KMT5B: variants seen among roughly 807,000 people sequenced by gnomAD.
KMT5B encodes the protein histone-lysine N-methyltransferase KMT5B.
KMT5B carries 10 observed loss-of-function variants against 83.2 expected under a neutral mutation model. The ratio of observed to expected loss-of-function variants is 0.12; its 90% CI spans 0.07 to 0.20. KMT5B has a LOEUF of 0.20. Ranked by LOEUF, KMT5B falls within the 10% of genes least tolerant of loss-of-function variation. The pLI, the probability that KMT5B is intolerant of heterozygous loss-of-function variation, is 1.00. For synonymous variants in KMT5B, 349 were observed against 388.8 expected, an observed-to-expected ratio of 0.90 and a Z score of 1.20; for missense variants, 753 against 1,067.2, an observed-to-expected ratio of 0.71 and a Z score of 4.10.
At chr11:68,166,673 T>C in intron 10 of KMT5B, 1 of 1,139,234 alleles carries the variant, frequency 8.8e-7, no homozygotes. Context: ...CTTAGCGACA[T>C]CATCACAGTC....
At chr11:68,195,644 G>GT (rs1858610939) in intron 1 of KMT5B, among the ~76,000 whole-genome samples, 1 of 152,188 alleles carries the variant, frequency 6.6e-6, no homozygotes, top group South Asian at 2.1e-4. Context: ...GAGCAAGACT[G>GT]TAACTTTCCC....
At chr11:68,207,990 C>G (rs1174528457) in intron 1 of KMT5B, among the ~76,000 whole-genome samples, 2 of 150,408 alleles carry the variant, frequency 1.3e-5, no homozygotes, top group Non-Finnish European at 3.0e-5. Context: ...AGGTGCCCAC[C>G]ACCACGCCCA....
At chr11:68,162,731 GGTAT>G (rs1432874861) in intron 10 of KMT5B, among the ~76,000 whole-genome samples, 18 of 152,202 alleles carry the variant, frequency 1.2e-4, no homozygotes, top group East Asian at 3.9e-4. Context: ...GCACAAAATG[GGTAT>G]GTATTTGATG....
intron 10 of KMT5B, among the ~76,000 whole-genome samples, chr11:68,161,186 T>A (rs1247876649): frequency 6.6e-6 from 1 of 152,174 alleles, no homozygotes; most frequent in African/African-American, 2.4e-5. Context: ...TACAGAACTA[T>A]GTGATAGCAA....
chr11:68,158,103 C>T lies in KMT5B; in HGVS notation c.2243G>A (p.Ser748Asn). The change falls in exon 11 of 11, where the codon AGC becomes AAC. Residue 748 changes from serine to asparagine, a missense_variant. Ser to Asn is a conservative substitution (Grantham distance 46). Coordinates refer to ENST00000304363, the MANE Select transcript of KMT5B (RefSeq NM_017635.5). ...ATTGTTATCGTTGTCATGGTCTTTGCTTAACTTGATGCTTATTTTGGAAGA... is the reference window on the plus strand; with the variant it reads ...ATTGTTATCGTTGTCATGGTCTTTGTTTAACTTGATGCTTATTTTGGAAGA... ...MNSSKISIKLSKDHDNDNNLY... is the reference protein window; with the variant it reads ...MNSSKISIKLNKDHDNDNNLY... The T allele has an allele frequency of 1.2e-6, 2 of 1,614,168 alleles. No individual in the cohort carries two copies. Among genetic ancestry groups the T allele is most frequent in the Non-Finnish European group, 1.7e-6 (2 of 1,180,032 alleles).
intron 1 of KMT5B, among the ~76,000 whole-genome samples, chr11:68,194,672 T>G (rs1322476775): frequency 2.0e-5 from 3 of 152,232 alleles, no homozygotes; most frequent in Admixed American, 6.5e-5. Flanking sequence ...ACATTCCATT[T>G]TATATCCCTT....
chr11:68,198,105 T>C (rs1416936005), intron 1 of KMT5B, among the ~76,000 whole-genome samples: 1 of 151,794 alleles, frequency 6.6e-6, no homozygotes, highest in Admixed American at 6.6e-5. Flanking sequence ...TGTAGTAGAG[T>C]ATAGACAAAT....
chr11:68,164,130 G>C (rs749908244), intron 10 of KMT5B, among the ~76,000 whole-genome samples: 7 of 152,210 alleles, frequency 4.6e-5, no homozygotes, highest in African/African-American at 7.2e-5. Context: ...CCTGTGGACT[G>C]GATTTGTGAA....
chr11:68,180,140 G>T lies in KMT5B; in HGVS notation c.369C>A (p.Asn123Lys). The T allele has an allele frequency of 6.3e-7, 1 of 1,575,516 alleles. No individual in the cohort carries two copies. Among genetic ancestry groups the T allele is most frequent in the Non-Finnish European group, 8.7e-7 (1 of 1,150,156 alleles). ...TAACACACACTACCTACCTCACAGG[G>T]TTGTTGTGAGAAAAACTGTCAGATT... Reference protein sequence around the residue: ...FSKSDSFSHNNPVRFRPIKGR... With the variant: ...FSKSDSFSHNKPVRFRPIKGR... Residue 123 changes from asparagine to lysine, a missense_variant, in exon 4 of 11, where the codon AAC becomes AAA. Around this residue, in one of 9 missense-constraint regions of KMT5B, gnomAD observed 71 missense variants for 107.0 expected, o/e 0.66. Transcript: ENST00000304363.
intron 1 of KMT5B, among the ~76,000 whole-genome samples, chr11:68,208,613 A>G (rs983752018): frequency 8.5e-5 from 13 of 152,220 alleles, no homozygotes; most frequent in African/African-American, 2.7e-4. Context: ...TAAGAAAAAC[A>G]AACAGGATGT....
chr11:68,176,615 C>G (rs1352905764), intron 4 of KMT5B: 1 of 152,088 alleles, frequency 6.6e-6, no homozygotes, highest in Non-Finnish European at 1.5e-5. Context: ...GAAACCCCGT[C>G]TCTAAAATGC....
chr11:68,165,055 T>C (rs1277573755), intron 10 of KMT5B, among the ~76,000 whole-genome samples: 1 of 152,228 alleles, frequency 6.6e-6, no homozygotes, highest in Admixed American at 6.5e-5. Context: ...TCTTTTAAAC[T>C]AAGTAGTATA....
At position 68,157,573 on chromosome 11, in the gene KMT5B, T is replaced by C; in HGVS notation, c.*115A>G. 1 of 1,415,290 alleles carries C rather than the reference T, an allele frequency of 7.1e-7. No individual in the cohort carries two copies. Among genetic ancestry groups the C allele is most frequent in the Non-Finnish European group, 9.3e-7 (1 of 1,078,336 alleles). 87.7% of individuals were successfully genotyped at this position (1,415,290 alleles called of 1,614,324 possible). The stretch of plus-strand genomic sequence containing the variant: ...CTGTACACTTTCTACAATAGTATGC[T>C]GATAAGTGAAGGGACAATAGAAGTG... On this transcript the variant is annotated 3_prime_UTR_variant, in exon 11 of 11. Transcript: ENST00000304363.
intron 9 of KMT5B, among the ~76,000 whole-genome samples, 153 bp downstream of exon 9, chr11:68,170,862 G>C (rs984093490): frequency 6.6e-6 from 1 of 152,104 alleles, no homozygotes; most frequent in Non-Finnish European, 1.5e-5. Context: ...TGCAGCATTT[G>C]ACTTTGTTCA....
At chr11:68,209,401 C>T (rs1860582363) in intron 1 of KMT5B, among the ~76,000 whole-genome samples, 1 of 152,116 alleles carries the variant, frequency 6.6e-6, no homozygotes, top group Admixed American at 6.6e-5. Flanking sequence ...GAAAACCAAA[C>T]AGATGCATAA....
intron 1 of KMT5B, among the ~76,000 whole-genome samples, 155 bp downstream of exon 1, chr11:68,212,958 GGCCCGGCCGCAGCCCCGCCCCCCGC>G (rs1861136906): frequency 1.5e-5 from 2 of 129,150 alleles, no homozygotes; most frequent in South Asian, 2.6e-4. Context: ...GCCCCGCACC[GGCCCGGCCGCAGCCCCGCCCCCCGC>G]GCCCGGCCGC....
At chr11:68,184,691 A>G (rs549061336) in intron 3 of KMT5B, among the ~76,000 whole-genome samples, 15 of 152,344 alleles carry the variant, frequency 9.8e-5, no homozygotes, top group African/African-American at 3.4e-4. Context: ...AACTAGCTCT[A>G]TCTTCTAAAT....
chr11:68,180,012 G>T, intron 4 of KMT5B, 120 bp downstream of exon 4: 3 of 1,215,618 alleles, frequency 2.5e-6, no homozygotes, highest in South Asian at 1.6e-5. Flanking sequence ...TAAAAGGTTT[G>T]TAAAATGTTC....
chr11:68,175,342 C>G (rs1475000331), intron 4 of KMT5B, among the ~76,000 whole-genome samples, 159 bp from the exon 5 acceptor site: 1 of 152,218 alleles, frequency 6.6e-6, no homozygotes, highest in African/African-American at 2.4e-5. Flanking sequence ...GTCTTGATTA[C>G]TACTATTCAA....
Sources: allele counts gnomAD v4.1 joint callset (sites outside exome capture counted in the v4.1 genomes callset), GRCh38; gene constraint gnomAD v4.1.1; regional missense constraint gnomAD v4.1.1; transcripts MANE v1.5; gene names NCBI Gene and HGNC (gene_info 2026-07-23, HGNC 2026-07-21).